PTPDC1: variants seen among roughly 807,000 people sequenced by gnomAD.
The protein encoded by PTPDC1 is protein tyrosine phosphatase domain containing 1, also known as protein tyrosine phosphatase domain-containing protein 1.
PTPDC1 carries 53 observed loss-of-function variants against 75.3 expected under a neutral mutation model. That is an observed-to-expected ratio of 0.70 (90% CI 0.56 to 0.88). The LOEUF is 0.88. PTPDC1 is among the 40% of genes least tolerant of loss of function. The pLI is 0.00. For synonymous variants in PTPDC1, 349 were observed against 366.2 expected, an observed-to-expected ratio of 0.95 and a Z score of 0.54; for missense variants, 925 against 998.6, an observed-to-expected ratio of 0.93 and a Z score of 0.99.
At chr9:94,060,656 A>T (rs1826100008) in intron 1 of PTPDC1, among the ~76,000 whole-genome samples, 1 of 152,218 alleles carries the variant, frequency 6.6e-6, no homozygotes, top group African/African-American at 2.4e-5. Flanking sequence ...AAGGCAAAGC[A>T]AGAGCAGGCA....
At position 94,107,961 on chromosome 9, in the gene PTPDC1, A is replaced by G. The variant is rs760705921; in HGVS notation, c.*17A>G. The G allele has an allele frequency of 1.4e-6, 2 of 1,450,064 alleles. No homozygotes were observed. The highest frequency in any genetic ancestry group is 1.3e-5 in the South Asian group (1 of 79,360). The allele number at this position is 1,450,064 out of a possible 1,614,324, so 89.8% of individuals were successfully genotyped here. ...GGCCTCTAGCTTTCACTCGTGGTGA[A>G]TATTTCAGACCTAAAGATCCAGATA... On this transcript the variant is annotated 3_prime_UTR_variant, in exon 9 of 9. Coordinates refer to ENST00000620992, the MANE Select transcript of PTPDC1 (RefSeq NM_001253829.2).
chr9:94,094,247 AGAT>A (rs1170579476), intron 4 of PTPDC1, among the ~76,000 whole-genome samples: 1 of 151,816 alleles, frequency 6.6e-6, no homozygotes, highest in Non-Finnish European at 1.5e-5. Context: ...GGTGATGTAC[AGAT>A]GGGTTTTTGG....
chr9:94,062,632 G>A (rs185547570), intron 1 of PTPDC1, among the ~76,000 whole-genome samples: 7 of 152,252 alleles, frequency 4.6e-5, no homozygotes, highest in Admixed American at 4.6e-4. Flanking sequence ...AGGAAGGGCG[G>A]GGAGGTGCTA....
Position 94,070,816 on chromosome 9 carries a change from T to C in PTPDC1, c.82+5995T>C, listed in dbSNP as rs1357696826. On this transcript the variant is annotated intron_variant, in intron 2 of 9. Transcript: ENST00000375360. ...TCAGTCAGCCTAATTCCTTTGAGTT[T>C]CATCCAGGTTGTTGTGTGTACCAAT... 2.0e-5 allele frequency among the ~76,000 whole-genome samples: 3 copies of C among 152,210 alleles called. No homozygotes were observed. In the East Asian group the frequency reaches 5.8e-4, roughly 29 times the overall value.
At chr9:94,089,205 A>G (rs1827191778) in intron 4 of PTPDC1, among the ~76,000 whole-genome samples, 1 of 139,290 alleles carries the variant, frequency 7.2e-6, no homozygotes. Flanking sequence ...CATTAGGTAT[A>G]TCTCCCAATG....
chr9:94,048,774 A>G (rs1355177634), intron 1 of PTPDC1, among the ~76,000 whole-genome samples: 1 of 152,046 alleles, frequency 6.6e-6, no homozygotes, highest in African/African-American at 2.4e-5. Flanking sequence ...AACTTTCTGT[A>G]TAGCTGATCT....
At chr9:94,046,294 G>C (rs917689165) in intron 1 of PTPDC1, among the ~76,000 whole-genome samples, 9 of 152,270 alleles carry the variant, frequency 5.9e-5, no homozygotes, top group African/African-American at 2.2e-4. Context: ...CTCCAGCTTT[G>C]TTCTTTTGGC....
chr9:94,062,928 G>A (rs146417406), intron 1 of PTPDC1, among the ~76,000 whole-genome samples: 2 of 152,298 alleles, frequency 1.3e-5, no homozygotes, highest in African/African-American at 4.8e-5. Flanking sequence ...TGTGTCACGA[G>A]GGTACCTATA....
At position 94,098,261 on chromosome 9, in the gene PTPDC1, C is replaced by G. The variant is rs1384285060; in HGVS notation, c.1695C>G (p.Val565=). 10 of 1,614,080 alleles carry G rather than the reference C, an allele frequency of 6.2e-6. No homozygotes were observed. The African/African-American group carries it at 6.7e-5, about 11-fold the overall frequency. ...CAGTTTCACCCAGCTTTGCAAATGT[C>G]CATAAGGATCCAAACCCTGCTCACC... The part of the protein sequence containing the change: ...GEPVSPSFAN[V]HKDPNPAHQQ... Residue 565 remains valine, a synonymous_variant, in exon 6 of 9, where the codon GTC becomes GTG. Transcript: ENST00000620992.
At chr9:94,107,003 G>T (rs1212962885) in intron 8 of PTPDC1, among the ~76,000 whole-genome samples, 1 of 152,156 alleles carries the variant, frequency 6.6e-6, no homozygotes, top group East Asian at 1.9e-4. Context: ...ACCCAGTCTG[G>T]AGTGCAGTGG....
rs1180575656 is a variant in PTPDC1, at chr9:94,087,841, A to G, written c.427A>G (p.Asn143Asp). Residue 143 changes from asparagine to aspartate, a missense_variant, in exon 3 of 9, where the codon AAT becomes GAT. By Grantham distance (23) the Asn-to-Asp change is conservative. Coordinates refer to ENST00000620992, the MANE Select transcript of PTPDC1 (RefSeq NM_001253829.2). The part of the protein sequence containing the change: ...KGVYSSWVTD[N>D]ILAMARPSSE... ...TCCACCTATTTGCAGGGTCACTGAT[A>G]ATATACTGGCCATGGCCCGCCCATC... The G allele has an allele frequency of 6.2e-7, 1 of 1,613,440 alleles. No homozygotes were observed. The highest frequency in any genetic ancestry group is 8.5e-7 in the Non-Finnish European group (1 of 1,179,386).
intron 1 of PTPDC1, among the ~76,000 whole-genome samples, chr9:94,044,781 G>T (rs1428717423): frequency 1.3e-5 from 2 of 150,908 alleles, no homozygotes; most frequent in East Asian, 3.9e-4. Context: ...AAGTTCAGTA[G>T]AAGTGGTGAG....
intron 1 of PTPDC1, among the ~76,000 whole-genome samples, chr9:94,051,373 A>G (rs1001130802): frequency 1.3e-5 from 2 of 152,154 alleles, no homozygotes; most frequent in Non-Finnish European, 2.9e-5. Flanking sequence ...TAAGTCTCTC[A>G]CTATTAAGTA....
At chr9:94,072,480 T>C (rs1391446487) in intron 2 of PTPDC1, among the ~76,000 whole-genome samples, 1 of 152,168 alleles carries the variant, frequency 6.6e-6, no homozygotes, top group Non-Finnish European at 1.5e-5. Context: ...TGTCTGCAAA[T>C]AAGGACAGTT....
intron 1 of PTPDC1, among the ~76,000 whole-genome samples, chr9:94,034,670 A>G (rs1253508492): frequency 6.6e-6 from 1 of 152,178 alleles, no homozygotes; most frequent in African/African-American, 2.4e-5. Flanking sequence ...TAAAGTATCA[A>G]TGTTTTGGTA....
intron 1 of PTPDC1, among the ~76,000 whole-genome samples, chr9:94,045,978 G>T (rs1825587150): frequency 6.6e-6 from 1 of 152,150 alleles, no homozygotes; most frequent in Admixed American, 6.5e-5. Context: ...ATGGTTTTAG[G>T]TCTAACATTT....
At chr9:94,044,262 G>T (rs1825518748) in intron 1 of PTPDC1, among the ~76,000 whole-genome samples, 1 of 152,090 alleles carries the variant, frequency 6.6e-6, no homozygotes, top group African/African-American at 2.4e-5. Context: ...CATCTTTACT[G>T]TGTTATCTTT....
At chr9:94,099,029 G>T (rs142153471) in intron 6 of PTPDC1, among the ~76,000 whole-genome samples, 106 of 152,352 alleles carry the variant, frequency 7.0e-4, no homozygotes, top group Non-Finnish European at 1.1e-3. Context: ...GGTCAGAAGA[G>T]TGAGGCTGTC....
chr9:94,107,955 TG>T lies in PTPDC1; in HGVS notation c.*13del. On this transcript the variant is annotated 3_prime_UTR_variant, in exon 9 of 9. Coordinates refer to ENST00000620992, the MANE Select transcript of PTPDC1 (RefSeq NM_001253829.2). ...AAGCCTGGCCTCTAGCTTTCACTCG[TG>T]GTGAATATTTCAGACCTAAAGATCC... 1 of 1,497,666 alleles carries T rather than the reference TG, an allele frequency of 6.7e-7. No homozygotes were observed. The highest frequency in any genetic ancestry group is 9.1e-7 in the Non-Finnish European group (1 of 1,098,482). 92.8% of individuals were successfully genotyped at this position (1,497,666 alleles called of 1,614,324 possible).
Sources: allele counts gnomAD v4.1 joint callset (sites outside exome capture counted in the v4.1 genomes callset), GRCh38; gene constraint gnomAD v4.1.1; transcripts MANE v1.5; gene names NCBI Gene and HGNC (gene_info 2026-07-23, HGNC 2026-07-21).